The following CACNA1E variants were observed in gnomAD, a reference collection of about 807,000 sequenced individuals.
The protein encoded by CACNA1E is calcium voltage-gated channel subunit alpha1 E.
Under a neutral mutation model 259.2 loss-of-function variants are expected in CACNA1E, and 40 were observed. The observed-to-expected ratio is 0.15, with a 90% CI of 0.12 to 0.20. The LOEUF (loss-of-function observed/expected upper bound fraction) is 0.20, where lower values mean the gene tolerates loss of function less well. CACNA1E is among the 10% of genes least tolerant of loss of function. The probability of loss-of-function intolerance (pLI) is 1.00; values close to 1 mark genes in which losing one functional copy is unlikely to be tolerated. For synonymous variants in CACNA1E, 1,104 were observed against 1,138.5 expected, an observed-to-expected ratio of 0.97 and a Z score of 0.61; for missense variants, 1,874 against 3,040.1, an observed-to-expected ratio of 0.62 and a Z score of 9.02.
At chr1:181,457,494 G>C (rs528684383) in intron 2 of CACNA1E, among the ~76,000 whole-genome samples, 1 of 152,252 alleles carries the variant, frequency 6.6e-6, no homozygotes, top group African/African-American at 2.4e-5. Flanking sequence ...TCCCGCGTTG[G>C]TGACAAGAGG....
chr1:181,575,255 C>T (rs1343236329), intron 3 of CACNA1E, among the ~76,000 whole-genome samples: 1 of 152,158 alleles, frequency 6.6e-6, no homozygotes, highest in African/African-American at 2.4e-5. Context: ...GCCCTGGCTG[C>T]AGTGTGGTTG....
At chr1:181,726,265 G>A in intron 18 of CACNA1E, 103 bp downstream of exon 18, 1 of 792,066 alleles carries the variant, frequency 1.3e-6, no homozygotes, top group Non-Finnish European at 2.1e-6. Context: ...ACTACATGCT[G>A]GGAACTGTTC....
intron 1 of CACNA1E, among the ~76,000 whole-genome samples, chr1:181,397,501 G>A (rs555069881): frequency 1.3e-5 from 2 of 151,782 alleles, no homozygotes; most frequent in African/African-American, 2.4e-5. Context: ...GGGTTTCACC[G>A]TGTTGGCCAG....
intron 1 of CACNA1E, among the ~76,000 whole-genome samples, chr1:181,339,839 T>C (rs1652011793): frequency 6.6e-6 from 1 of 152,144 alleles, no homozygotes; most frequent in African/African-American, 2.4e-5. Flanking sequence ...GACTATTTTG[T>C]ATATTAAGCA....
intron 21 of CACNA1E, among the ~76,000 whole-genome samples, chr1:181,735,253 G>A (rs536977938): frequency 1.4e-4 from 21 of 152,332 alleles, no homozygotes; most frequent in African/African-American, 4.8e-4. Context: ...AGTGTTTTGG[G>A]CCTTCTTTTA....
chr1:181,357,742 C>G (rs763366874), intron 1 of CACNA1E, among the ~76,000 whole-genome samples: 2 of 152,162 alleles, frequency 1.3e-5, no homozygotes, highest in African/African-American at 4.8e-5. Flanking sequence ...TAGATTAACT[C>G]CAAACAGCTG....
intron 3 of CACNA1E, among the ~76,000 whole-genome samples, chr1:181,563,319 A>G (rs1481760671): frequency 6.6e-6 from 1 of 152,170 alleles, no homozygotes. Context: ...GGAAAAATAT[A>G]TATTTTTGTC....
chr1:181,600,694 G>C (rs1363130974), intron 6 of CACNA1E, among the ~76,000 whole-genome samples: 1 of 152,184 alleles, frequency 6.6e-6, no homozygotes, highest in Non-Finnish European at 1.5e-5. Flanking sequence ...AAGGTCAAGA[G>C]TTGAGCTGGA....
At chr1:181,570,010 C>CA (rs1314811306) in intron 3 of CACNA1E, among the ~76,000 whole-genome samples, 1 of 152,170 alleles carries the variant, frequency 6.6e-6, no homozygotes, top group Non-Finnish European at 1.5e-5. Context: ...ATAGCACCAT[C>CA]AGGGCAGGTG....
chr1:181,628,853 T>C (rs1013033885), intron 6 of CACNA1E, among the ~76,000 whole-genome samples: 1 of 152,252 alleles, frequency 6.6e-6, no homozygotes, highest in Non-Finnish European at 1.5e-5. Context: ...GAGTTGGCAG[T>C]TAACTGCTAA....
rs1654246653 is a variant in CACNA1E at position 181,719,676 on chromosome 1, G to A, written c.1639-75G>A. Reference sequence around the variant, plus strand: ...CCATCCCCCACTGAGAGCTGTTGATGGTGTGCTGGGCGCTAGAATGCCCCC... The same window carrying A: ...CCATCCCCCACTGAGAGCTGTTGATAGTGTGCTGGGCGCTAGAATGCCCCC... On this transcript the variant is annotated intron_variant, in intron 12 of 47. Coordinates refer to ENST00000367573, the MANE Select transcript of CACNA1E (RefSeq NM_001205293.3). 2.9e-5 allele frequency: 20 copies of A among 693,204 alleles called. 1 individual carries two copies. The South Asian group carries it at 4.1e-4, about 14-fold the overall frequency. 42.9% of individuals were successfully genotyped at this position (693,204 alleles called of 1,614,324 possible).
chr1:181,721,694 G>A, intron 15 of CACNA1E, 64 bp from the exon 16 acceptor site: 2 of 990,940 alleles, frequency 2.0e-6, no homozygotes, highest in Non-Finnish European at 3.2e-6. Flanking sequence ...ATTTGCCCTT[G>A]GCATTGGCCC....
intron 5 of CACNA1E, 76 bp downstream of exon 5, chr1:181,579,300 G>T: frequency 8.0e-7 from 1 of 1,245,900 alleles, no homozygotes; most frequent in South Asian, 1.5e-5. Context: ...GGCACTTGGA[G>T]GCTCATTGGA....
intron 2 of CACNA1E, among the ~76,000 whole-genome samples, chr1:181,474,680 GT>G (rs939352530): frequency 6.6e-6 from 1 of 151,946 alleles, no homozygotes; most frequent in Admixed American, 6.6e-5. Context: ...GTTGATATGG[GT>G]TTTTTTTGAA....
At chr1:181,580,947 T>G (rs1460082612) in intron 6 of CACNA1E, among the ~76,000 whole-genome samples, 171 bp downstream of exon 6, 1 of 152,200 alleles carries the variant, frequency 6.6e-6, no homozygotes, top group East Asian at 1.9e-4. Flanking sequence ...ATAACCCTCT[T>G]TTGTCTGGCC....
chr1:181,728,456 A>G (rs537605959), intron 18 of CACNA1E, among the ~76,000 whole-genome samples: 7 of 152,302 alleles, frequency 4.6e-5, no homozygotes, highest in East Asian at 1.9e-4. Context: ...GGTGCTGTAC[A>G]TGTGCTGTGA....
intron 27 of CACNA1E, among the ~76,000 whole-genome samples, chr1:181,753,818 T>A (rs967895758): frequency 6.6e-6 from 1 of 152,132 alleles, no homozygotes; most frequent in Admixed American, 6.5e-5. Flanking sequence ...ACTAACTAGG[T>A]TTGTGAAACA....
chr1:181,708,835 T>A (rs1020093212), intron 7 of CACNA1E, among the ~76,000 whole-genome samples: 7 of 152,144 alleles, frequency 4.6e-5, no homozygotes, highest in African/African-American at 1.7e-4. Flanking sequence ...GCTTGGTAAA[T>A]TAAGATGTGC....
chr1:181,676,587 T>G (rs1205526536), intron 7 of CACNA1E, among the ~76,000 whole-genome samples: 2 of 152,184 alleles, frequency 1.3e-5, no homozygotes, highest in East Asian at 1.9e-4. Context: ...GTTGAATGAA[T>G]GAGTGCTTAG....
Sources: allele counts gnomAD v4.1 joint callset (sites outside exome capture counted in the v4.1 genomes callset), GRCh38; gene constraint gnomAD v4.1.1; transcripts MANE v1.5; gene names NCBI Gene and HGNC (gene_info 2026-07-23, HGNC 2026-07-21).